The following PRKG1 variants were observed in gnomAD, a reference collection of about 807,000 sequenced individuals.
The protein encoded by PRKG1 is protein kinase cGMP-dependent 1, also known as cGMP-dependent protein kinase 1.
Under a neutral mutation model 88.1 loss-of-function variants are expected in PRKG1, and 35 were observed. The ratio of observed to expected loss-of-function variants is 0.40; its 90% CI spans 0.30 to 0.53. The LOEUF is 0.53. Ranked by LOEUF, PRKG1 falls within the 20% of genes least tolerant of loss-of-function variation. The probability of loss-of-function intolerance (pLI) is 0.59; values close to 1 mark genes in which losing one functional copy is unlikely to be tolerated. For missense variants in PRKG1, 540 were observed against 839.8 expected (o/e 0.64, Z 4.41); for synonymous variants, 303 against 292.5 (o/e 1.04, Z -0.37).
chr10:51,085,912 T>G (rs73338490), intron 1 of PRKG1, among the ~76,000 whole-genome samples: 6,214 of 152,248 alleles, frequency 0.041, 172 homozygotes, highest in African/African-American at 0.071. Context: ...AAGAATTTTA[T>G]CCTTGGTCAG....
chr10:51,136,619 A>G lies in PRKG1; in HGVS notation c.312-16545A>G, dbSNP rs1031665844. Among the ~76,000 whole-genome samples the G allele has an allele frequency of 2.7e-5, 4 of 150,020 alleles. No homozygotes were observed. In the East Asian group the frequency reaches 8.0e-4, roughly 30 times the overall value. ...GCGGGGGGAGAGAGAGAGAAGAGGA[A>G]GGGAGATGAAAATACAGGAGATATA... On this transcript the variant is annotated intron_variant, in intron 1 of 17. Transcript: ENST00000373980.
intron 8 of PRKG1, among the ~76,000 whole-genome samples, chr10:52,134,261 G>C (rs1837344146): frequency 6.6e-6 from 1 of 152,100 alleles, no homozygotes. Flanking sequence ...AGTTATTTTT[G>C]TAAATTTTTA....
At chr10:51,325,385 G>C (rs1451264691) in intron 2 of PRKG1, among the ~76,000 whole-genome samples, 2 of 152,062 alleles carry the variant, frequency 1.3e-5, no homozygotes, top group African/African-American at 4.8e-5. Context: ...TTTTAGTAGA[G>C]ACGCAGTTTC....
At chr10:51,285,619 A>G (rs1840420116) in intron 2 of PRKG1, among the ~76,000 whole-genome samples, 1 of 152,204 alleles carries the variant, frequency 6.6e-6, no homozygotes, top group Non-Finnish European at 1.5e-5. Flanking sequence ...GAGTGAGACC[A>G]ATAAGCTCTA....
At chr10:51,044,872 T>G (rs1383686162) in intron 1 of PRKG1, among the ~76,000 whole-genome samples, 1 of 152,194 alleles carries the variant, frequency 6.6e-6, no homozygotes, top group East Asian at 1.9e-4. Context: ...GTTTGAGTGT[T>G]TTATCATGAT....
intron 3 of PRKG1, among the ~76,000 whole-genome samples, chr10:51,569,208 A>G (rs1837684683): frequency 6.6e-6 from 1 of 152,104 alleles, no homozygotes. Flanking sequence ...AGAAGACAGT[A>G]GAGACTGAAA....
intron 5 of PRKG1, among the ~76,000 whole-genome samples, chr10:51,979,387 A>T (rs1274799269): frequency 2.1e-4 from 22 of 105,754 alleles, no homozygotes; most frequent in African/African-American, 7.5e-4. Context: ...TTTTGCTTCA[A>T]TATTCATCAT....
chr10:51,856,949 G>A (rs1412553909), intron 4 of PRKG1, among the ~76,000 whole-genome samples: 24 of 143,700 alleles, frequency 1.7e-4, no homozygotes, highest in Admixed American at 1.4e-3. Context: ...GGGCGACAGA[G>A]CGAGACTCCG....
chr10:51,799,964 G>C (rs1839123188), intron 3 of PRKG1, among the ~76,000 whole-genome samples: 2 of 152,186 alleles, frequency 1.3e-5, no homozygotes, highest in East Asian at 3.9e-4. Flanking sequence ...GACATTTAAT[G>C]ATGAATAGTG....
intron 2 of PRKG1, among the ~76,000 whole-genome samples, chr10:51,267,420 G>T (rs139169044): frequency 3.3e-5 from 5 of 152,044 alleles, no homozygotes; most frequent in Non-Finnish European, 4.4e-5. Flanking sequence ...AAAATATTAG[G>T]TGTCTTTCAG....
intron 2 of PRKG1, among the ~76,000 whole-genome samples, chr10:51,460,287 C>G (rs1312862036): frequency 6.6e-6 from 1 of 152,170 alleles, no homozygotes; most frequent in Non-Finnish European, 1.5e-5. Flanking sequence ...CACATTAAGA[C>G]TGCCCACAAT....
chr10:51,048,026 C>G (rs1244867906), intron 1 of PRKG1, among the ~76,000 whole-genome samples: 3 of 152,136 alleles, frequency 2.0e-5, no homozygotes, highest in Non-Finnish European at 4.4e-5. Flanking sequence ...CCAGAAGTGG[C>G]CTGTGATATT....
chr10:52,121,311 A>G lies in PRKG1; in HGVS notation c.936-12529A>G, dbSNP rs1375676285. On this transcript the variant is annotated intron_variant, in intron 7 of 17. Coordinates refer to ENST00000373980, the MANE Select transcript of PRKG1 (RefSeq NM_006258.4). ...GATCTTTGTCCCATATTCTTGATGAATAGGATCTATCTTCCTTCCATCCAT... is the reference window on the plus strand; with the variant it reads ...GATCTTTGTCCCATATTCTTGATGAGTAGGATCTATCTTCCTTCCATCCAT... 2.6e-5 allele frequency among the ~76,000 whole-genome samples: 4 copies of G among 152,282 alleles called. No homozygotes were observed. The East Asian group carries it at 7.7e-4, about 29-fold the overall frequency.
intron 8 of PRKG1, among the ~76,000 whole-genome samples, chr10:52,134,328 T>C (rs1404969259): frequency 6.6e-6 from 1 of 152,204 alleles, no homozygotes; most frequent in African/African-American, 2.4e-5. Flanking sequence ...GTTTTAGTTA[T>C]GCCCTCTATT....
intron 2 of PRKG1, among the ~76,000 whole-genome samples, chr10:51,362,803 G>A (rs1842510826): frequency 6.6e-6 from 1 of 151,658 alleles, no homozygotes; most frequent in Admixed American, 6.6e-5. Context: ...AACAGGCCCT[G>A]GTGTGTGACG....
At chr10:51,078,624 ATTTATTTAT>A (rs1848733277) in intron 1 of PRKG1, among the ~76,000 whole-genome samples, 2 of 147,158 alleles carry the variant, frequency 1.4e-5, no homozygotes, top group Non-Finnish European at 1.5e-5. Flanking sequence ...TTATTTATTT[ATTTATTTAT>A]TGAGACGGAG....
At chr10:52,171,546 A>G (rs188134990) in intron 9 of PRKG1, among the ~76,000 whole-genome samples, 6 of 152,132 alleles carry the variant, frequency 3.9e-5, no homozygotes, top group African/African-American at 1.4e-4. Flanking sequence ...CAGTCTTTCA[A>G]GAGCTGTTTT....
At chr10:51,015,436 C>T (rs1443897238) in intron 1 of PRKG1, among the ~76,000 whole-genome samples, 1 of 152,172 alleles carries the variant, frequency 6.6e-6, no homozygotes, top group South Asian at 2.1e-4. Flanking sequence ...ACTTTGAAGG[C>T]TAGTAGGAAT....
At chr10:51,961,373 C>A (rs976694320) in intron 5 of PRKG1, among the ~76,000 whole-genome samples, 1 of 145,244 alleles carries the variant, frequency 6.9e-6, no homozygotes, top group Admixed American at 6.7e-5. Context: ...GTGGAGGGCC[C>A]ACTGTATTTA....
Sources: allele counts gnomAD v4.1 joint callset (sites outside exome capture counted in the v4.1 genomes callset), GRCh38; gene constraint gnomAD v4.1.1; transcripts MANE v1.5; gene names NCBI Gene and HGNC (gene_info 2026-07-23, HGNC 2026-07-21).